The following CLCN3 variants were observed in gnomAD, a reference collection of about 807,000 sequenced individuals.
CLCN3 encodes the protein Cl-/H+ antiporter 3, also known as H(+)/Cl(-) exchange transporter 3.
A neutral mutation model predicts 83.4 loss-of-function variants in CLCN3; 16 were observed. The ratio of observed to expected loss-of-function variants is 0.19; its 90% confidence interval spans 0.13 to 0.29. The LOEUF (loss-of-function observed/expected upper bound fraction) is 0.29. Ranked by LOEUF, CLCN3 falls within the 10% of genes least tolerant of loss-of-function variation. The pLI, the probability that CLCN3 is intolerant of heterozygous loss-of-function variation, is 1.00. For missense variants in CLCN3, 544 were observed against 1,006.0 expected (o/e 0.54, Z 6.21); for synonymous variants, 322 against 346.2 (o/e 0.93, Z 0.78).
intron 4 of CLCN3, among the ~76,000 whole-genome samples, chr4:169,688,324 C>T (rs1732239379): frequency 6.6e-6 from 1 of 152,146 alleles, no homozygotes; most frequent in African/African-American, 2.4e-5. Flanking sequence ...GCCACAAAGT[C>T]CCAATGTGTG....
rs1299648664 is a variant in CLCN3, at chr4:169,704,160, A to G, written c.1726A>G (p.Met576Val). 4 of 1,613,096 alleles carry G rather than the reference A, an allele frequency of 2.5e-6. No individual in the cohort carries two copies. The highest frequency in any genetic ancestry group is 2.7e-5 in the African/African-American group (2 of 74,868). The change falls in exon 10 of 13, where the codon ATG becomes GTG. Residue 576 changes from methionine to valine, a missense_variant. Met to Val is a conservative substitution (Grantham distance 21). Coordinates refer to ENST00000513761, the MANE Select transcript of CLCN3 (RefSeq NM_001829.4). ...TTGCATTACACCTGGCCTTTATGCC[A>G]TGGTTGGTGCTGCTGCATGCTTAGG... ...ADCITPGLYA[M>V]VGAAACLGGV...
chr4:169,655,070 A>G (rs1185208587), intron 2 of CLCN3, among the ~76,000 whole-genome samples: 1 of 152,156 alleles, frequency 6.6e-6, no homozygotes, highest in Non-Finnish European at 1.5e-5. Flanking sequence ...TTTTTTAAAT[A>G]ACTCTATTTC....
At chr4:169,622,504 T>G (rs1297290379) in intron 1 of CLCN3, among the ~76,000 whole-genome samples, 1 of 152,230 alleles carries the variant, frequency 6.6e-6, no homozygotes, top group African/African-American at 2.4e-5. Context: ...ACTTCCAACT[T>G]AGTTTGGTAG....
At chr4:169,716,699 A>G (rs1733434802) in intron 12 of CLCN3, among the ~76,000 whole-genome samples, 2 of 152,048 alleles carry the variant, frequency 1.3e-5, no homozygotes, top group African/African-American at 2.4e-5. Context: ...CAGAGAACCC[A>G]TTTCTGTCAT....
chr4:169,631,390 C>G (rs1202463189), intron 1 of CLCN3, among the ~76,000 whole-genome samples: 1 of 152,126 alleles, frequency 6.6e-6, no homozygotes, highest in Non-Finnish European at 1.5e-5. Flanking sequence ...GGTTTCACGC[C>G]ATTCTCCTGC....
chr4:169,707,617 A>G (rs1733043479), intron 11 of CLCN3, among the ~76,000 whole-genome samples: 1 of 152,214 alleles, frequency 6.6e-6, no homozygotes, highest in Admixed American at 6.5e-5. Context: ...ACATTCTTGT[A>G]TTTAATAAAG....
At chr4:169,668,524 G>A (rs552842674) in intron 2 of CLCN3, among the ~76,000 whole-genome samples, 36 of 152,226 alleles carry the variant, frequency 2.4e-4, no homozygotes, top group African/African-American at 7.9e-4. Context: ...CAGAACTAAC[G>A]GGAGGCAGGG....
rs758413944 is a variant in CLCN3, at chr4:169,707,064, T to C, written c.1947T>C (p.Thr649=). 2.9e-5 allele frequency: 47 copies of C among 1,614,008 alleles called. No individual in the cohort carries two copies. In the Admixed American group the frequency reaches 7.5e-4, roughly 26 times the overall value. ...YPFLDAKEEF[T]HTTLAADVMR... Reference sequence around the variant, plus strand: ...TCTTGGATGCAAAAGAAGAATTCACTCATACCACCCTGGCTGCTGACGTTA... The same window carrying C: ...TCTTGGATGCAAAAGAAGAATTCACCCATACCACCCTGGCTGCTGACGTTA... The change falls in exon 11 of 13, where the codon ACT becomes ACC. Residue 649 remains threonine (T), a synonymous_variant. Transcript: ENST00000513761.
intron 11 of CLCN3, among the ~76,000 whole-genome samples, chr4:169,709,554 G>A (rs72696645): frequency 0.093 from 14,108 of 151,814 alleles, 699 homozygotes; most frequent in African/African-American, 0.13. Context: ...GTGTGGTGAC[G>A]CATGCCTATA....
At chr4:169,691,861 G>A (rs1732387229) in intron 6 of CLCN3, among the ~76,000 whole-genome samples, 1 of 151,786 alleles carries the variant, frequency 6.6e-6, no homozygotes, top group African/African-American at 2.4e-5. Context: ...TTTTAACATG[G>A]CCTGATATTT....
At position 169,679,584 on chromosome 4, in the gene CLCN3, A is replaced by G. The variant is rs1199010142; in HGVS notation, c.161-466A>G. ...TAGCGAGCCGAGATCACGCCACTGCACTCCAGCCTGGGCAACATTGAGCAC... is the reference window on the plus strand; with the variant it reads ...TAGCGAGCCGAGATCACGCCACTGCGCTCCAGCCTGGGCAACATTGAGCAC... On this transcript the variant is annotated intron_variant, in intron 2 of 12. Transcript: ENST00000513761. Among the ~76,000 whole-genome samples the G allele has an allele frequency of 1.4e-4, 22 of 152,122 alleles. 1 individual carries two copies. The highest frequency in any genetic ancestry group is 3.2e-4 in the Non-Finnish European group (22 of 68,002).
chr4:169,697,516 A>G lies in CLCN3; in HGVS notation c.1345A>G (p.Arg449Gly). 1 of 1,614,170 alleles carries G rather than the reference A, an allele frequency of 6.2e-7. No homozygotes were observed. The highest frequency in any genetic ancestry group is 8.5e-7 in the Non-Finnish European group (1 of 1,179,986). Reference protein sequence around the residue: ...AVIAFPNPYTRLNTSELIKEL... With the variant: ...AVIAFPNPYTGLNTSELIKEL... ...GATAGCCTTCCCTAATCCATACACT[A>G]GGCTAAACACCAGTGAACTGATCAA... Residue 449 changes from arginine to glycine, a missense_variant, in exon 9 of 13, where the codon AGG (arginine) becomes GGG (glycine). Arg to Gly is a moderately radical substitution (Grantham distance 125). Coordinates refer to ENST00000513761, the MANE Select transcript of CLCN3 (RefSeq NM_001829.4).
intron 2 of CLCN3, among the ~76,000 whole-genome samples, chr4:169,650,710 T>G (rs1161706958): frequency 6.6e-6 from 1 of 152,230 alleles, no homozygotes; most frequent in African/African-American, 2.4e-5. Context: ...ATTCTAAAGT[T>G]CATCTGATAT....
At chr4:169,631,513 C>T (rs1773370245) in intron 1 of CLCN3, among the ~76,000 whole-genome samples, 1 of 152,180 alleles carries the variant, frequency 6.6e-6, no homozygotes, top group South Asian at 2.1e-4. Flanking sequence ...TGGTCTTGAT[C>T]TCCTGACCTC....
rs1247265759 is a variant in CLCN3, at chr4:169,642,436, CAG to C, written c.160+6349_160+6350del. ...AGTGTTTACTAGCTAGTGTATGAAA[CAG>C]TGATTTTTAGGAATATGCTTGGAGT... On this transcript the variant is annotated intron_variant, in intron 2 of 12. Transcript: ENST00000513761. Among the ~76,000 whole-genome samples the C allele has an allele frequency of 2.6e-5, 4 of 152,192 alleles. No individual in the cohort carries two copies. In the East Asian group the frequency reaches 5.8e-4, roughly 22 times the overall value.
In CLCN3 at chr4:169,702,835, C is replaced by A. The variant is rs570068529; in HGVS notation, c.1564-1163C>A. 1.1e-3 allele frequency: 311 copies of A among 274,780 alleles called. 1 individual carries two copies. Among genetic ancestry groups the A allele is most frequent in the African/African-American group, 6.1e-3 (279 of 46,100 alleles). 17.0% of individuals were successfully genotyped at this position (274,780 alleles called of 1,614,324 possible). Reference sequence around the variant, plus strand: ...TGGTGGTGCACGCCTGTAGTCCCAGCTACTCACGAGGCTGAGTCGGCAGGA... The same window carrying A: ...TGGTGGTGCACGCCTGTAGTCCCAGATACTCACGAGGCTGAGTCGGCAGGA... On this transcript the variant is annotated intron_variant, in intron 9 of 12. Transcript: ENST00000513761.
chr4:169,659,232 G>A (rs1217879444), intron 2 of CLCN3, among the ~76,000 whole-genome samples: 1 of 152,148 alleles, frequency 6.6e-6, no homozygotes, highest in Non-Finnish European at 1.5e-5. Flanking sequence ...CCTCTCAGAG[G>A]TAGCTATAAA....
chr4:169,672,284 C>T (rs1485359447), intron 2 of CLCN3, among the ~76,000 whole-genome samples: 3 of 139,110 alleles, frequency 2.2e-5, no homozygotes, highest in East Asian at 2.2e-4. Flanking sequence ...GGACTACAGA[C>T]GTGCACCACC....
At chr4:169,703,623 A>G (rs1239167637) in intron 9 of CLCN3, among the ~76,000 whole-genome samples, 2 of 151,592 alleles carry the variant, frequency 1.3e-5, no homozygotes, top group East Asian at 1.9e-4. Flanking sequence ...TTTTACTGCA[A>G]CTGTCACCCA....
Sources: allele counts gnomAD v4.1 joint callset (sites outside exome capture counted in the v4.1 genomes callset), GRCh38; gene constraint gnomAD v4.1.1; transcripts MANE v1.5; gene names NCBI Gene and HGNC (gene_info 2026-07-23, HGNC 2026-07-21).